Variants in TTLL5 observed in about 807,000 individuals in gnomAD.
TTLL5 encodes the protein tubulin tyrosine ligase like 5.
In TTLL5, 132 loss-of-function variants were observed where a neutral mutation model predicts 168.4. That is an observed-to-expected ratio of 0.78 (90% CI 0.68 to 0.91). TTLL5 has a LOEUF of 0.91. Among genes scored for constraint, TTLL5 ranks in the 40% least tolerant of loss-of-function variants. TTLL5 has a pLI of 0.00. For synonymous variants in TTLL5, 546 were observed against 558.6 expected, an observed-to-expected ratio of 0.98 and a Z score of 0.32; for missense variants, 1,545 against 1,581.5, an observed-to-expected ratio of 0.98 and a Z score of 0.39.
chr14:75,882,949 G>A (rs746350302), intron 30 of TTLL5, 47 bp downstream of exon 30: 3 of 1,573,906 alleles, frequency 1.9e-6, no homozygotes, highest in Admixed American at 1.7e-5. Context: ...TCAGTTCTAA[G>A]CTAATAGTAC....
chr14:75,793,464 A>G (rs891652343), intron 27 of TTLL5, among the ~76,000 whole-genome samples: 14 of 152,218 alleles, frequency 9.2e-5, no homozygotes, highest in African/African-American at 3.4e-4. Flanking sequence ...CCAGAATTTT[A>G]TAACATTACC....
At chr14:75,945,161 C>G (rs2034729977) in intron 31 of TTLL5, among the ~76,000 whole-genome samples, 1 of 150,874 alleles carries the variant, frequency 6.6e-6, no homozygotes, top group Non-Finnish European at 1.5e-5. Context: ...AGTGTACTTT[C>G]CTTCCTTTTG....
At chr14:75,764,801 C>G (rs1261493506) in intron 19 of TTLL5, 29 bp downstream of exon 19, 1 of 1,613,012 alleles carries the variant, frequency 6.2e-7, no homozygotes, top group East Asian at 2.2e-5. Flanking sequence ...TCACCAAACT[C>G]CCTTATCTGG....
intron 31 of TTLL5, among the ~76,000 whole-genome samples, chr14:75,926,163 T>TA (rs1350498875): frequency 1.0e-5 from 1 of 98,774 alleles, no homozygotes. Flanking sequence ...CAGCTTTTTT[T>TA]TTTTTTTTTT....
At chr14:75,728,422 T>TA (rs1249925157) in intron 12 of TTLL5, among the ~76,000 whole-genome samples, 1 of 150,648 alleles carries the variant, frequency 6.6e-6, no homozygotes, top group Non-Finnish European at 1.5e-5. Flanking sequence ...GAAAGAGAGA[T>TA]AGAGATTTGG....
chr14:75,806,181 C>G (rs1893643399), intron 27 of TTLL5, among the ~76,000 whole-genome samples: 1 of 152,068 alleles, frequency 6.6e-6, no homozygotes, highest in African/African-American at 2.4e-5. Context: ...CAGATGCCTG[C>G]CGCCATGCCG....
chr14:75,705,398 G>A (rs1886581182), intron 7 of TTLL5, among the ~76,000 whole-genome samples: 1 of 152,190 alleles, frequency 6.6e-6, no homozygotes, highest in Admixed American at 6.5e-5. Flanking sequence ...GAAATGCATT[G>A]TTATAAAGAC....
chr14:75,719,977 G>A, intron 11 of TTLL5, 151 bp downstream of exon 11: 1 of 811,508 alleles, frequency 1.2e-6, no homozygotes, highest in Non-Finnish European at 2.0e-6. Context: ...TTGACAAGCT[G>A]GGGAACAGGT....
intron 30 of TTLL5, chr14:75,886,608 A>T: frequency 7.1e-7 from 1 of 1,404,924 alleles, no homozygotes; most frequent in Non-Finnish European, 9.7e-7. Context: ...CTGTGAAGGG[A>T]ATGATTTAAA....
chr14:75,924,951 C>T (rs1345798790), intron 31 of TTLL5, among the ~76,000 whole-genome samples: 17 of 146,948 alleles, frequency 1.2e-4, no homozygotes, highest in African/African-American at 4.1e-4. Flanking sequence ...GGCGGCTGGC[C>T]AGGCGGAGGG....
chr14:75,728,115 G>A (rs1235039896), intron 12 of TTLL5, among the ~76,000 whole-genome samples: 1 of 152,166 alleles, frequency 6.6e-6, no homozygotes, highest in Non-Finnish European at 1.5e-5. Flanking sequence ...CAGCACTTTG[G>A]GAGGCCAAGG....
intron 30 of TTLL5, among the ~76,000 whole-genome samples, chr14:75,901,566 T>C (rs1169130779): frequency 1.3e-5 from 2 of 152,230 alleles, no homozygotes; most frequent in African/African-American, 4.8e-5. Flanking sequence ...TTTTCCTGTG[T>C]GCTGTGGAAT....
At chr14:75,904,164 A>G in intron 31 of TTLL5, 1 of 1,271,128 alleles carries the variant, frequency 7.9e-7, no homozygotes, top group Non-Finnish European at 1.0e-6. Flanking sequence ...ACCTGAATTC[A>G]AGAAATACTT....
chr14:75,826,240 C>G (rs1895121052), intron 28 of TTLL5, among the ~76,000 whole-genome samples: 1 of 151,526 alleles, frequency 6.6e-6, no homozygotes, highest in Admixed American at 6.6e-5. Flanking sequence ...TCACTCCACT[C>G]CACACTGCTT....
At position 75,750,089 on chromosome 14, in the gene TTLL5, C is replaced by T. The variant is rs75198042; in HGVS notation, c.1488-2804C>T. 1.6e-3 allele frequency among the ~76,000 whole-genome samples: 247 copies of T among 152,018 alleles called. 10 individuals are homozygous for T. In the East Asian group the frequency reaches 0.032, roughly 20 times the overall value. ...GCTCAGTAAAACAATGTGACTTGTC[C>T]GTAACCACACAGTGAGACTTGGGTC... On this transcript the variant is annotated intron_variant, in intron 17 of 31. Transcript: ENST00000298832.
chr14:75,863,991 G>C, intron 29 of TTLL5, 129 bp downstream of exon 29: 1 of 975,872 alleles, frequency 1.0e-6, no homozygotes, highest in Non-Finnish European at 1.4e-6. Context: ...TCCTGGCTTG[G>C]ACAGCTCATG....
At chr14:75,856,663 G>GGATTCAAAGCAGCACCTGCCCTAA (rs1897147048) in intron 28 of TTLL5, among the ~76,000 whole-genome samples, 1 of 109,102 alleles carries the variant, frequency 9.2e-6, no homozygotes, top group African/African-American at 3.6e-5. Flanking sequence ...GTCTCTCTCT[G>GGATTCAAAGCAGCACCTGCCCTAA]TTGCCCAGGC....
At chr14:75,883,287 A>G (rs902667748) in intron 30 of TTLL5, among the ~76,000 whole-genome samples, 2 of 152,266 alleles carry the variant, frequency 1.3e-5, no homozygotes, top group Non-Finnish European at 2.9e-5. Context: ...AGCTCTGTGT[A>G]GCAACAGTGT....
At chr14:75,841,510 C>A (rs1372866491) in intron 28 of TTLL5, among the ~76,000 whole-genome samples, 1 of 152,116 alleles carries the variant, frequency 6.6e-6, no homozygotes, top group Non-Finnish European at 1.5e-5. Context: ...TTATTCCTTT[C>A]TTTGTCATCT....
Sources: gnomAD v4.1 joint callset for allele counts (sites outside exome capture counted in the v4.1 genomes callset) on GRCh38, gnomAD v4.1.1 for gene constraint, MANE v1.5 for transcripts, NCBI Gene and HGNC (gene_info 2026-07-23, HGNC 2026-07-21) for gene names.